The following FAT3 variants were observed in gnomAD, a reference collection of about 807,000 sequenced individuals.
The protein encoded by FAT3 is protocadherin Fat 3.
FAT3 carries 95 observed loss-of-function variants against 310.2 expected under a neutral mutation model. The ratio of observed to expected loss-of-function variants is 0.31; its 90% CI spans 0.26 to 0.36. The LOEUF is 0.36. FAT3 is among the 10% of genes least tolerant of loss of function. FAT3 has a pLI of 1.00. For synonymous variants in FAT3, 2,314 were observed against 2,192.9 expected (o/e 1.06, Z -1.54); for missense variants, 5,408 against 5,715.6 (o/e 0.95, Z 1.74).
intron 22 of FAT3, among the ~76,000 whole-genome samples, chr11:92,870,157 T>A (rs2399588): frequency 0.76 from 115,061 of 152,088 alleles, 43,994 homozygotes; most frequent in Middle Eastern, 0.86. Flanking sequence ...AAACTGAGGC[T>A]ATCTTAGTAC....
At chr11:92,769,753 A>G (rs1191314349) in intron 6 of FAT3, among the ~76,000 whole-genome samples, 1 of 152,238 alleles carries the variant, frequency 6.6e-6, no homozygotes, top group Non-Finnish European at 1.5e-5. Flanking sequence ...TTCCAACTCC[A>G]GTTGAAATGT....
chr11:92,820,721 A>C (rs1167213065), intron 13 of FAT3, among the ~76,000 whole-genome samples: 2 of 152,190 alleles, frequency 1.3e-5, no homozygotes, highest in East Asian at 1.9e-4. Context: ...ATAGATAACC[A>C]GCTAAAAAAT....
At position 92,279,652 on chromosome 11, in the gene FAT3, C is replaced by T. The variant is rs541956252; in HGVS notation, c.-18+54478C>T. On this transcript the variant is annotated intron_variant, in intron 1 of 27. Transcript: ENST00000525166. Reference sequence around the variant, plus strand: ...AGTGATCAAGTCAGGGTATTTGGGACATTCATCACCTTGAGTCTTTATCAT... The same window carrying T: ...AGTGATCAAGTCAGGGTATTTGGGATATTCATCACCTTGAGTCTTTATCAT... Among the ~76,000 whole-genome samples the T allele has an allele frequency of 2.6e-5, 4 of 152,254 alleles. No homozygotes were observed. The East Asian group carries it at 5.8e-4, about 22-fold the overall frequency.
chr11:92,359,523 C>T (rs1948823736), intron 2 of FAT3, among the ~76,000 whole-genome samples: 1 of 151,336 alleles, frequency 6.6e-6, no homozygotes, highest in Non-Finnish European at 1.5e-5. Flanking sequence ...TACATGTGCA[C>T]ATTGTGCAGG....
chr11:92,494,472 C>T (rs1024678189), intron 2 of FAT3, among the ~76,000 whole-genome samples: 8 of 152,040 alleles, frequency 5.3e-5, no homozygotes, highest in Non-Finnish European at 1.0e-4. Context: ...TCTGAGTACA[C>T]TGTAGCTTCT....
At chr11:92,842,720 CA>C (rs890034497) in intron 18 of FAT3, among the ~76,000 whole-genome samples, 211 of 150,814 alleles carry the variant, frequency 1.4e-3, no homozygotes, top group African/African-American at 4.6e-3. Flanking sequence ...AAAACAAAAA[CA>C]AAAAAAAAGT....
intron 7 of FAT3, among the ~76,000 whole-genome samples, chr11:92,774,973 T>C (rs1393234599): frequency 2.0e-5 from 3 of 152,180 alleles, no homozygotes; most frequent in Non-Finnish European, 4.4e-5. Flanking sequence ...GTACTAAATA[T>C]GAGAAGATTT....
chr11:92,789,169 T>C (rs1486079605), intron 7 of FAT3, among the ~76,000 whole-genome samples: 2 of 152,168 alleles, frequency 1.3e-5, no homozygotes, highest in African/African-American at 4.8e-5. Context: ...GAGTTCTGTC[T>C]TTTAAAGATG....
chr11:92,799,041 C>A lies in FAT3; in HGVS notation c.6028C>A (p.Arg2010Ser), dbSNP rs1302145611. 3 of 1,613,790 alleles carry A rather than the reference C, an allele frequency of 1.9e-6. No homozygotes were observed. Among genetic ancestry groups the A allele is most frequent in the Non-Finnish European group, 1.7e-6 (2 of 1,179,886 alleles). ...TGCTATTGTCAATGCAGTTGGAAAT[C>A]GCCTTAATGAGCCCTTAAAATACAG... ...KVAIVNAVGN[R>S]LNEPLKYSIL... The change falls in exon 10 of 28, where the codon CGC (arginine) becomes AGC (serine). Residue 2010 changes from arginine (R) to serine (S), a missense_variant. By Grantham distance (110) the Arg-to-Ser change is moderately radical. Transcript: ENST00000525166.
chr11:92,436,036 C>T lies in FAT3; in HGVS notation c.3292+80632C>T, dbSNP rs1014369597. ...CATGTGATGATGCTCTCTCATTCAT[C>T]TGTGCACATCCTAACAATTCACAGG... On this transcript the variant is annotated intron_variant, in intron 2 of 27. Transcript: ENST00000525166. Among the ~76,000 whole-genome samples, 6 of 152,210 alleles carry T rather than the reference C, an allele frequency of 3.9e-5. No individual in the cohort carries two copies. In the East Asian group the frequency reaches 9.6e-4, roughly 24 times the overall value.
At chr11:92,770,977 T>G (rs1946441891) in intron 6 of FAT3, among the ~76,000 whole-genome samples, 1 of 152,184 alleles carries the variant, frequency 6.6e-6, no homozygotes, top group Non-Finnish European at 1.5e-5. Flanking sequence ...ATTACACCTG[T>G]CTTGACCGAA....
At chr11:92,482,660 A>C (rs924833322) in intron 2 of FAT3, among the ~76,000 whole-genome samples, 1 of 152,102 alleles carries the variant, frequency 6.6e-6, no homozygotes, top group African/African-American at 2.4e-5. Context: ...TCAGCTCTGC[A>C]GTTCTGGCAG....
intron 2 of FAT3, among the ~76,000 whole-genome samples, chr11:92,374,540 C>T (rs536915724): frequency 1.3e-5 from 2 of 152,252 alleles, no homozygotes; most frequent in South Asian, 4.1e-4. Context: ...ACTGATTTGC[C>T]ACAAACTCTG....
At chr11:92,364,902 A>G (rs1485280857) in intron 2 of FAT3, among the ~76,000 whole-genome samples, 3 of 152,214 alleles carry the variant, frequency 2.0e-5, no homozygotes, top group African/African-American at 7.2e-5. Context: ...TGAGAATAAT[A>G]CTGAGTAAGA....
At position 92,836,611 on chromosome 11, in the gene FAT3, T is replaced by G. The variant is rs1305973629; in HGVS notation, c.10132T>G (p.Phe3378Val). The G allele has an allele frequency of 6.2e-7, 1 of 1,613,882 alleles. No individual in the cohort carries two copies. Among genetic ancestry groups the G allele is most frequent in the East Asian group, 2.2e-5 (1 of 44,878 alleles). The change falls in exon 16 of 28, where the codon TTT becomes GTT. Residue 3378 changes from phenylalanine (F) to valine (V), a missense_variant. By Grantham distance (50) the Phe-to-Val change is conservative. This residue lies in a region of FAT3 where 4,588 missense variants were observed against 4,809.8 expected (regional missense o/e 0.95). Coordinates refer to ENST00000525166, the MANE Select transcript of FAT3 (RefSeq NM_001367949.2). ...VDSQPNGQIH[F>V]SIVNGDRDNE... Reference sequence around the variant, plus strand: ...CAGCCAGCCCAACGGACAGATTCATTTTTCCATTGTGAATGGAGATCGGGA... The same window carrying G: ...CAGCCAGCCCAACGGACAGATTCATGTTTCCATTGTGAATGGAGATCGGGA...
chr11:92,556,485 T>G (rs966202596), intron 3 of FAT3, among the ~76,000 whole-genome samples: 3 of 152,218 alleles, frequency 2.0e-5, no homozygotes, highest in Non-Finnish European at 4.4e-5. Context: ...CACTGAATTC[T>G]CATAATCCTT....
intron 4 of FAT3, among the ~76,000 whole-genome samples, chr11:92,726,935 A>G (rs1591653164): frequency 2.0e-5 from 3 of 152,090 alleles, no homozygotes; most frequent in South Asian, 2.1e-4. Flanking sequence ...AATCTATTCA[A>G]TAGAAGTCCA....
chr11:92,546,023 G>C (rs1287349658), intron 3 of FAT3, among the ~76,000 whole-genome samples: 1 of 152,188 alleles, frequency 6.6e-6, no homozygotes, highest in Middle Eastern at 3.2e-3. Context: ...GTGCTTGTTA[G>C]ATTTTTCCAT....
At chr11:92,317,606 C>T (rs899945115) in intron 1 of FAT3, among the ~76,000 whole-genome samples, 5 of 152,196 alleles carry the variant, frequency 3.3e-5, no homozygotes, top group Admixed American at 1.3e-4. Flanking sequence ...ATGGCTTTTT[C>T]ATGGTTGTCA....
Sources: gnomAD v4.1 joint callset for allele counts (sites outside exome capture counted in the v4.1 genomes callset) on GRCh38, gnomAD v4.1.1 for gene constraint, gnomAD v4.1.1 regional missense constraint, MANE v1.5 for transcripts, NCBI Gene and HGNC (gene_info 2026-07-23, HGNC 2026-07-21) for gene names.